The following CPNE2 variants were observed in gnomAD, a reference collection of about 807,000 sequenced individuals.
CPNE2 encodes copine-2.
CPNE2 carries 42 observed loss-of-function variants against 69.7 expected under a neutral mutation model. The observed-to-expected ratio is 0.60, with a 90% CI of 0.47 to 0.78. The LOEUF (loss-of-function observed/expected upper bound fraction) is 0.78. CPNE2 is among the 30% of genes least tolerant of loss of function. CPNE2 has a pLI of 0.00. For synonymous variants in CPNE2, 294 were observed against 289.8 expected (o/e 1.01, Z -0.15); for missense variants, 587 against 732.0 (o/e 0.80, Z 2.29).
chr16:57,125,275 A>G, intron 10 of CPNE2: 1 of 456,012 alleles, frequency 2.2e-6, no homozygotes, highest in Non-Finnish European at 4.4e-6. Flanking sequence ...TGCTGTTCCC[A>G]GCCCTGGGCC....
chr16:57,117,531 C>T lies in CPNE2; in HGVS notation c.471C>T (p.Ile157=). 1 of 1,614,004 alleles carries T rather than the reference C, an allele frequency of 6.2e-7. No homozygotes were observed. The highest frequency in any genetic ancestry group is 8.5e-7 in the Non-Finnish European group (1 of 1,179,944). The stretch of plus-strand genomic sequence containing the variant: ...AGGAGCTGTCCGACAACCGCGTCAT[C>T]ACACTAAGCCTGGCGGGCAGGAGGC... ...AAQELSDNRV[I]TLSLAGRRLD... The change falls in exon 5 of 16, where the codon ATC becomes ATT. Residue 157 remains isoleucine (I), a synonymous_variant. Transcript: ENST00000290776.
intron 1 of CPNE2, among the ~76,000 whole-genome samples, chr16:57,107,295 C>T (rs777798831): frequency 2.6e-5 from 4 of 152,188 alleles, no homozygotes; most frequent in Non-Finnish European, 4.4e-5. Flanking sequence ...GCTCTGAGCT[C>T]GTGTGATTAT....
At chr16:57,096,698 C>CA (rs34322802) in intron 1 of CPNE2, among the ~76,000 whole-genome samples, 6,821 of 56,590 alleles carry the variant, frequency 0.12, 529 homozygotes, top group East Asian at 0.46. Flanking sequence ...GACCATGTCT[C>CA]AAAAAAAAAA....
chr16:57,099,703 G>C (rs1488219618), intron 1 of CPNE2, among the ~76,000 whole-genome samples: 2 of 150,978 alleles, frequency 1.3e-5, no homozygotes, highest in African/African-American at 2.4e-5. Flanking sequence ...CCCCATTCAA[G>C]TGATTCTCCT....
intron 3 of CPNE2, 21 bp from the exon 4 acceptor site, chr16:57,115,455 C>G (rs1377835473): frequency 1.3e-6 from 2 of 1,594,810 alleles, no homozygotes; most frequent in Non-Finnish European, 8.6e-7. Flanking sequence ...CACTGAGCGC[C>G]CTTTCTCCTC....
At position 57,146,319 on chromosome 16, in the gene CPNE2, A is replaced by G. The variant is rs1279840906; in HGVS notation, c.1537A>G (p.Asn513Asp). Residue 513 changes from asparagine (N) to aspartate (D), a missense_variant and splice_region_variant, in exon 15 of 16, where the codon AAC becomes GAC. Asn to Asp is a conservative substitution (Grantham distance 23, BLOSUM62 1). Coordinates refer to ENST00000290776, the MANE Select transcript of CPNE2 (RefSeq NM_152727.6). This position sits in a 1 kb window ranked among gnomAD's most constrained non-coding sequence, Gnocchi z 4.4. Reference sequence around the variant, plus strand: ...GTTCGTTCCCTTTCGAGAGTTCCGCAACGTGAGTGTGGGCCTGGGCTGGGA... The same window carrying G: ...GTTCGTTCCCTTTCGAGAGTTCCGCGACGTGAGTGTGGGCCTGGGCTGGGA... ...VQFVPFREFRNAAKETLAKAV... is the reference protein window; with the variant it reads ...VQFVPFREFRDAAKETLAKAV... The G allele has an allele frequency of 5.8e-6, 9 of 1,548,598 alleles. No homozygotes were observed. The highest frequency in any genetic ancestry group is 1.4e-5 in the African/African-American group (1 of 73,106).
intron 1 of CPNE2, among the ~76,000 whole-genome samples, chr16:57,108,242 C>A (rs2069660099): frequency 6.6e-6 from 1 of 152,214 alleles, no homozygotes; most frequent in South Asian, 2.1e-4. Context: ...GCTCAGTACA[C>A]CCTCTAGAGT....
intron 3 of CPNE2, among the ~76,000 whole-genome samples, chr16:57,115,242 C>T (rs532144590): frequency 6.6e-6 from 1 of 152,178 alleles, no homozygotes; most frequent in African/African-American, 2.4e-5. Flanking sequence ...GGGAGTCCAA[C>T]TGCAGCGGGA....
At chr16:57,110,371 C>T (rs528352037) in intron 1 of CPNE2, among the ~76,000 whole-genome samples, 6 of 151,962 alleles carry the variant, frequency 3.9e-5, no homozygotes, top group South Asian at 4.2e-4. Context: ...ACCACAGGCA[C>T]GCACCACCAT....
intron 14 of CPNE2, chr16:57,145,593 G>A (rs1016025214): frequency 4.4e-5 from 8 of 182,662 alleles, no homozygotes; most frequent in Admixed American, 1.1e-4. Flanking sequence ...GGGGGAGACC[G>A]GTCCCAGAGC....
intron 12 of CPNE2, 115 bp downstream of exon 12, chr16:57,128,018 T>C (rs1471190089): frequency 9.7e-7 from 1 of 1,028,446 alleles, no homozygotes; most frequent in Admixed American, 2.0e-5. Context: ...CTGCCTTCCC[T>C]GTGTTCACCC....
At chr16:57,127,734 G>A (rs895135364) in intron 11 of CPNE2, 115 bp from the exon 12 acceptor site, 2 of 1,011,574 alleles carry the variant, frequency 2.0e-6, no homozygotes, top group Non-Finnish European at 3.0e-6. Flanking sequence ...GAGGTGGTGA[G>A]CTCCTCCTTT....
intron 1 of CPNE2, chr16:57,106,234 C>G (rs1263255150): frequency 7.9e-5 from 12 of 152,586 alleles, no homozygotes; most frequent in African/African-American, 2.7e-4. Context: ...TCCCACCCAC[C>G]CATTGCTCAC....
rs954353590 is a variant in CPNE2 at position 57,117,159 on chromosome 16, C to T, written c.436-337C>T. On this transcript the variant is annotated intron_variant, in intron 4 of 15. Transcript: ENST00000290776. The stretch of plus-strand genomic sequence containing the variant: ...GGCTGCCGCAGGGGCAGGAGAAGGC[C>T]GGTCATGCTGCTCTCTGGGCCAGAA... Among the ~76,000 whole-genome samples, 6 of 152,128 alleles carry T rather than the reference C, an allele frequency of 3.9e-5. No individual in the cohort carries two copies. The East Asian group carries it at 5.8e-4, about 15-fold the overall frequency.
In CPNE2 at chr16:57,130,653, G is replaced by A. The variant is rs1380278949; in HGVS notation, c.1116+2750G>A. ...CAAGCAGTCAGGGCTCGGGGAGGAGGGAGTGGGGTTGGAGGCTGCCCCTGG... is the reference window on the plus strand; with the variant it reads ...CAAGCAGTCAGGGCTCGGGGAGGAGAGAGTGGGGTTGGAGGCTGCCCCTGG... On this transcript the variant is annotated intron_variant, in intron 12 of 15. Coordinates refer to ENST00000290776, the MANE Select transcript of CPNE2 (RefSeq NM_152727.6). The surrounding 1 kb of genome is among the most constrained non-coding windows in gnomAD (Gnocchi z 4.1). Among the ~76,000 whole-genome samples the A allele has an allele frequency of 6.6e-6, 1 of 152,078 alleles. No individual in the cohort carries two copies. The highest frequency in any genetic ancestry group is 1.5e-5 in the Non-Finnish European group (1 of 68,028).
chr16:57,131,272 C>G (rs1054464801), intron 12 of CPNE2, among the ~76,000 whole-genome samples: 1 of 152,250 alleles, frequency 6.6e-6, no homozygotes, highest in African/African-American at 2.4e-5. Flanking sequence ...CTTGTCTGCC[C>G]TGCTGTGCCG....
chr16:57,125,926 C>G lies in CPNE2; in HGVS notation c.994C>G (p.Pro332Ala). ...CCCTTCCTCTTTGCACTATATCAAC[C>G]CTATGGGCACCAACGAATATCTGTC... ...LDPSSLHYIN[P>A]MGTNEYLSAI... Residue 332 changes from proline to alanine, a missense_variant, in exon 11 of 16, where the codon CCT becomes GCT. By Grantham distance (27) the Pro-to-Ala change is conservative. Transcript: ENST00000290776. The G allele has an allele frequency of 6.2e-7, 1 of 1,614,162 alleles. No individual in the cohort carries two copies. The highest frequency in any genetic ancestry group is 8.5e-7 in the Non-Finnish European group (1 of 1,180,020).
intron 2 of CPNE2, 37 bp from the exon 3 acceptor site, chr16:57,113,251 C>T (rs2069692999): frequency 1.9e-6 from 3 of 1,602,926 alleles, no homozygotes; most frequent in Non-Finnish European, 2.6e-6. Context: ...GACCAGCTGC[C>T]TTGACTCTGA....
intron 13 of CPNE2, among the ~76,000 whole-genome samples, chr16:57,135,873 C>CAA (rs750583046): frequency 4.3e-5 from 3 of 69,208 alleles, no homozygotes; most frequent in Non-Finnish European, 5.8e-5. Context: ...GACTCTGTCT[C>CAA]AAAAAAAAAA....
Sources: allele counts gnomAD v4.1 joint callset (sites outside exome capture counted in the v4.1 genomes callset), GRCh38; gene constraint gnomAD v4.1.1; non-coding constraint Gnocchi (gnomAD v3.1); transcripts MANE v1.5; gene names NCBI Gene and HGNC (gene_info 2026-07-23, HGNC 2026-07-21).